The following PPARA variants were observed in gnomAD, a reference collection of about 807,000 sequenced individuals.
The protein encoded by PPARA is peroxisome proliferator activated receptor alpha.
A neutral mutation model predicts 42.2 loss-of-function variants in PPARA; 22 were observed. The ratio of observed to expected loss-of-function variants is 0.52; its 90% CI spans 0.37 to 0.74. The LOEUF (loss-of-function observed/expected upper bound fraction) is 0.74, where lower values mean the gene tolerates loss of function less well. PPARA is among the 30% of genes least tolerant of loss of function. PPARA has a pLI of 0.00. For missense variants in PPARA, 465 were observed against 608.2 expected (o/e 0.76, Z 2.48); for synonymous variants, 242 against 239.3 (o/e 1.01, Z -0.10).
rs1936411536 is a variant in PPARA at position 46,242,770 on chromosome 22, T to C, written c.*7390T>C. 4 of 148,978 alleles carry C rather than the reference T, an allele frequency of 2.7e-5. No individual in the cohort carries two copies. 9.2% of individuals were successfully genotyped at this position (148,978 alleles called of 1,614,324 possible). ...ACACACACACACACACAGCTCTTCA[T>C]TTCTCCTGAGCCATGCAGAATTTAC... On this transcript the variant is annotated 3_prime_UTR_variant, in exon 9 of 9. Transcript: ENST00000407236. The surrounding 1 kb of genome is among the most constrained non-coding windows in gnomAD (Gnocchi z 6.1).
In PPARA at chr22:46,163,758, G is replaced by A. The variant is rs1926585370; in HGVS notation, c.-127+11788G>A. The A allele has an allele frequency of 6.6e-6, 1 of 152,216 alleles. No individual in the cohort carries two copies. Among genetic ancestry groups the A allele is most frequent in the East Asian group, 1.9e-4 (1 of 5,202 alleles). 9.4% of individuals were successfully genotyped at this position (152,216 alleles called of 1,614,324 possible). A position where few individuals can be genotyped will look rare whatever the true frequency, so the allele number is the denominator to read the frequency against. On this transcript the variant is annotated intron_variant, in intron 2 of 8. Coordinates refer to ENST00000407236, the MANE Select transcript of PPARA (RefSeq NM_005036.6). This position sits in a 1 kb window ranked among gnomAD's most constrained non-coding sequence, Gnocchi z 4.9. Reference sequence around the variant, plus strand: ...GCCCCGCTGCATCAAGTGAAAGCAGGGCTGGCTCCCTGATGTCCTTGGAGA... The same window carrying A: ...GCCCCGCTGCATCAAGTGAAAGCAGAGCTGGCTCCCTGATGTCCTTGGAGA...
At position 46,160,110 on chromosome 22, in the gene PPARA, C is replaced by T. The variant is rs1925930935; in HGVS notation, c.-127+8140C>T. Among the ~76,000 whole-genome samples, 2 of 152,206 alleles carry T rather than the reference C, an allele frequency of 1.3e-5. No homozygotes were observed. The highest frequency in any genetic ancestry group is 1.3e-4 in the Admixed American group (2 of 15,270). ...GCGGATCCAGGGCTGGTGCACTGAA[C>T]CCAGAGGAGCAGGCTCCCATTCCCA... On this transcript the variant is annotated intron_variant, in intron 2 of 8. Coordinates refer to ENST00000407236, the MANE Select transcript of PPARA (RefSeq NM_005036.6). This position sits in a 1 kb window ranked among gnomAD's most constrained non-coding sequence, Gnocchi z 4.5.
At position 46,204,957 on chromosome 22, in the gene PPARA, T is replaced by A. The variant is rs561992833; in HGVS notation, c.208+6366T>A. The stretch of plus-strand genomic sequence containing the variant: ...ATCATGGCTTACTGCAGCCTTGACC[T>A]CTTGGGCTCAGGAAACCCTCCGACC... On this transcript the variant is annotated intron_variant, in intron 4 of 8. Transcript: ENST00000407236. The surrounding 1 kb of genome is among the most constrained non-coding windows in gnomAD (Gnocchi z 5.2). 2.0e-4 allele frequency among the ~76,000 whole-genome samples: 30 copies of A among 152,186 alleles called. No individual in the cohort carries two copies. Among genetic ancestry groups the A allele is most frequent in the Admixed American group, 9.2e-4 (14 of 15,280 alleles).
At position 46,190,167 on chromosome 22, in the gene PPARA, G is replaced by T. The variant is rs573674122; in HGVS notation, c.-42-8175G>T. Among the ~76,000 whole-genome samples, 2 of 152,320 alleles carry T rather than the reference G, an allele frequency of 1.3e-5. No individual in the cohort carries two copies. Among genetic ancestry groups the T allele is most frequent in the Admixed American group, 6.5e-5 (1 of 15,296 alleles). On this transcript the variant is annotated intron_variant, in intron 3 of 8. Transcript: ENST00000407236. The surrounding 1 kb of genome is among the most constrained non-coding windows in gnomAD (Gnocchi z 5.6). ...GATATTCAAAAAATATAAAGACAAG[G>T]TGATAAATTAGAATTGGTGGGAAAG... is the stretch of plus-strand genomic sequence containing the variant.
intron 4 of PPARA, among the ~76,000 whole-genome samples, chr22:46,202,302 A>C (rs544206149): frequency 2.0e-5 from 3 of 152,314 alleles, no homozygotes; most frequent in African/African-American, 7.2e-5. Context: ...CTATAATCTA[A>C]AATGTATTTT....
In PPARA at chr22:46,200,412, G is replaced by A. The variant is rs142041085; in HGVS notation, c.208+1821G>A. Among the ~76,000 whole-genome samples, 8 of 152,370 alleles carry A rather than the reference G, an allele frequency of 5.3e-5. No individual in the cohort carries two copies. Among genetic ancestry groups the A allele is most frequent in the African/African-American group, 1.7e-4 (7 of 41,596 alleles). ...GCTCCAAGGCACGCACCTGTACAGC[G>A]TGTTACTGTACTGAACGGCGTAGGC... On this transcript the variant is annotated intron_variant, in intron 4 of 8. Transcript: ENST00000407236. The surrounding 1 kb of genome is among the most constrained non-coding windows in gnomAD (Gnocchi z 4.8).
intron 7 of PPARA, among the ~76,000 whole-genome samples, chr22:46,228,523 G>A (rs537899779): frequency 6.6e-6 from 1 of 151,976 alleles, no homozygotes; most frequent in African/African-American, 2.4e-5. Context: ...GCAACAGAGC[G>A]AGACTCCGTC....
At position 46,190,677 on chromosome 22, in the gene PPARA, G is replaced by A. The variant is rs2147325568; in HGVS notation, c.-42-7665G>A. Among the ~76,000 whole-genome samples the A allele has an allele frequency of 6.6e-6, 1 of 152,274 alleles. No individual in the cohort carries two copies. Among genetic ancestry groups the A allele is most frequent in the East Asian group, 1.9e-4 (1 of 5,176 alleles). ...AGGTGAGAGGATCACCTGGGCCCGG[G>A]AGATCAAGGCTGCGGTGAGCCATGA... On this transcript the variant is annotated intron_variant, in intron 3 of 8. Transcript: ENST00000407236. This position sits in a 1 kb window ranked among gnomAD's most constrained non-coding sequence, Gnocchi z 5.6.
rs1240734124 is a variant in PPARA, at chr22:46,242,603, A to C, written c.*7223A>C. ...ACTTACAATCACTCATTTAATAAGA[A>C]ACATTTGGATTCTTTTGAAATCAGT... On this transcript the variant is annotated 3_prime_UTR_variant, in exon 9 of 9. Transcript: ENST00000407236. This position sits in a 1 kb window ranked among gnomAD's most constrained non-coding sequence, Gnocchi z 6.1. 1 of 152,670 alleles carries C rather than the reference A, an allele frequency of 6.6e-6. No individual in the cohort carries two copies. Among genetic ancestry groups the C allele is most frequent in the African/African-American group, 2.4e-5 (1 of 41,472 alleles). 9.5% of individuals were successfully genotyped at this position (152,670 alleles called of 1,614,324 possible).
intron 4 of PPARA, among the ~76,000 whole-genome samples, chr22:46,205,539 TATATATATATATA>T (rs1353771425): frequency 1.7e-3 from 66 of 38,004 alleles, no homozygotes; most frequent in African/African-American, 4.0e-3. Flanking sequence ...TATATATATA[TATATATATATATA>T]TATTTTTTTT....
intron 3 of PPARA, among the ~76,000 whole-genome samples, chr22:46,197,926 T>G (rs1355131025): frequency 6.9e-6 from 1 of 145,402 alleles, no homozygotes; most frequent in East Asian, 2.1e-4. Context: ...AAATTAAAAA[T>G]TAAAATTTAA....
rs1935822243 is a variant in PPARA at position 46,230,925 on chromosome 22, G to A, written c.712-867G>A. On this transcript the variant is annotated intron_variant, in intron 7 of 8. Coordinates refer to ENST00000407236, the MANE Select transcript of PPARA (RefSeq NM_005036.6). This position sits in a 1 kb window ranked among gnomAD's most constrained non-coding sequence, Gnocchi z 5.0. ...AAAGTGCATATACTGGTAAAATTAA[G>A]AATGATCGTAATTAAGCCTCTTGCA... 6.6e-6 allele frequency among the ~76,000 whole-genome samples: 1 copy of A among 152,200 alleles called. No individual in the cohort carries two copies. The highest frequency in any genetic ancestry group is 2.4e-5 in the African/African-American group (1 of 41,440).
At chr22:46,214,831 CG>C (rs1006923493) in intron 4 of PPARA, among the ~76,000 whole-genome samples, 5 of 139,688 alleles carry the variant, frequency 3.6e-5, no homozygotes, top group African/African-American at 1.4e-4. Flanking sequence ...AGGAGATGTG[CG>C]GGGCGGGATG....
intron 2 of PPARA, among the ~76,000 whole-genome samples, chr22:46,168,696 T>C (rs769271129): frequency 6.6e-6 from 1 of 151,832 alleles, no homozygotes; most frequent in Admixed American, 6.6e-5. Context: ...CATTAGTCAC[T>C]AGGGAAATGC....
rs180817578 is a variant in PPARA, at chr22:46,171,118, G to A, written c.-126-5635G>A. Among the ~76,000 whole-genome samples the A allele has an allele frequency of 3.5e-4, 53 of 151,736 alleles. No homozygotes were observed. Among genetic ancestry groups the A allele is most frequent in the East Asian group, 3.1e-3 (16 of 5,140 alleles). Reference sequence around the variant, plus strand: ...AGAGATCGCAGTGAGCCAAGACTGCGCCACTGCACTCCAGCCTGGGCAACA... The same window carrying A: ...AGAGATCGCAGTGAGCCAAGACTGCACCACTGCACTCCAGCCTGGGCAACA... On this transcript the variant is annotated intron_variant, in intron 2 of 8. Transcript: ENST00000407236. The surrounding 1 kb of genome is among the most constrained non-coding windows in gnomAD (Gnocchi z 5.0).
In PPARA at chr22:46,195,675, C is replaced by T. The variant is rs1055940346; in HGVS notation, c.-42-2667C>T. The stretch of plus-strand genomic sequence containing the variant: ...AACCTCAAATGTGAACATATTTTTA[C>T]GCAAATGCATTTAATGGGTGAATAT... On this transcript the variant is annotated intron_variant, in intron 3 of 8. Coordinates refer to ENST00000407236, the MANE Select transcript of PPARA (RefSeq NM_005036.6). The surrounding 1 kb of genome is among the most constrained non-coding windows in gnomAD (Gnocchi z 4.6). Among the ~76,000 whole-genome samples, 1 of 152,172 alleles carries T rather than the reference C, an allele frequency of 6.6e-6. No individual in the cohort carries two copies. Among genetic ancestry groups the T allele is most frequent in the Non-Finnish European group, 1.5e-5 (1 of 68,024 alleles).
chr22:46,220,303 T>A, intron 7 of PPARA: 1 of 426,214 alleles, frequency 2.3e-6, no homozygotes, highest in Non-Finnish European at 4.3e-6. Flanking sequence ...AGTACTAAGA[T>A]GATTTCTTAG....
At position 46,160,948 on chromosome 22, in the gene PPARA, T is replaced by G. The variant is rs983589521; in HGVS notation, c.-127+8978T>G. Among the ~76,000 whole-genome samples the G allele has an allele frequency of 6.6e-6, 1 of 152,244 alleles. No individual in the cohort carries two copies. Among genetic ancestry groups the G allele is most frequent in the Non-Finnish European group, 1.5e-5 (1 of 68,044 alleles). On this transcript the variant is annotated intron_variant, in intron 2 of 8. Coordinates refer to ENST00000407236, the MANE Select transcript of PPARA (RefSeq NM_005036.6). The surrounding 1 kb of genome is among the most constrained non-coding windows in gnomAD (Gnocchi z 4.5). The stretch of plus-strand genomic sequence containing the variant: ...CAAAAATTATTGGCTTTTTTTCCTG[T>G]TGCATTCCCTTTACTTAGATGAATC...
chr22:46,232,064 C>T lies in PPARA; in HGVS notation c.984C>T (p.Asp328=), dbSNP rs917522785. 13 of 1,614,142 alleles carry T rather than the reference C, an allele frequency of 8.1e-6. No individual in the cohort carries two copies. Among genetic ancestry groups the T allele is most frequent in the African/African-American group, 4.0e-5 (3 of 75,028 alleles). Reference sequence around the variant, plus strand: ...TGCTGTCTTCTGTGATGAACAAAGACGGGATGCTGGTAGCGTATGGAAATG... The same window carrying T: ...TGCTGTCTTCTGTGATGAACAAAGATGGGATGCTGGTAGCGTATGGAAATG... ...FAMLSSVMNK[D]GMLVAYGNGF... The change falls in exon 8 of 9, where the codon GAC becomes GAT. Residue 328 remains aspartate, a synonymous_variant. Transcript: ENST00000407236. This position sits in a 1 kb window ranked among gnomAD's most constrained non-coding sequence, Gnocchi z 5.3.
Sources: gnomAD v4.1 joint callset for allele counts (sites outside exome capture counted in the v4.1 genomes callset) on GRCh38, gnomAD v4.1.1 for gene constraint, Gnocchi (gnomAD v3.1) non-coding constraint, MANE v1.5 for transcripts, NCBI Gene and HGNC (gene_info 2026-07-23, HGNC 2026-07-21) for gene names.